Variants in NISCH observed in about 807,000 individuals in gnomAD.
NISCH encodes the protein I-1 receptor candidate protein.
NISCH carries 55 observed loss-of-function variants against 138.4 expected under a neutral mutation model. The observed-to-expected ratio is 0.40, with a 90% CI of 0.32 to 0.50. The LOEUF is 0.50. NISCH is among the 20% of genes least tolerant of loss of function. The probability of loss-of-function intolerance (pLI) is 0.71; values close to 1 mark genes in which losing one functional copy is unlikely to be tolerated. For missense variants in NISCH, 1,643 were observed against 2,005.5 expected (o/e 0.82, Z 3.45); for synonymous variants, 860 against 861.5 (o/e 1.00, Z 0.03).
rs748841248 is a variant in NISCH, at chr3:52,480,268, C to T, written c.1501C>T (p.Leu501=). The T allele has an allele frequency of 1.9e-6, 3 of 1,613,956 alleles. No homozygotes were observed. The South Asian group carries it at 3.3e-5, about 18-fold the overall frequency. The stretch of plus-strand genomic sequence containing the variant: ...CACTGTGGCTCCCGCATCTGCCTCC[C>T]TGCCCCAGCCCATCCTCTCTAACCA... ...PPTVAPASAS[L]PQPILSNQGI... The change falls in exon 13 of 21, where the codon CTG becomes TTG. Residue 501 remains leucine (L), a synonymous_variant. Coordinates refer to ENST00000345716, the MANE Select transcript of NISCH (RefSeq NM_007184.4).
Position 52,478,129 on chromosome 3 carries a change from C to T in NISCH, c.1020C>T (p.Ser340=), listed in dbSNP as rs1707158277. ...ATAACCTTGTGCATCTGGACCTGTC[C>T]TACAACAAGCTCTCCTCCTTGGAAG... The part of the protein sequence containing the change: ...HLYNLVHLDL[S]YNKLSSLEGL... Residue 340 remains serine (S), a synonymous_variant, in exon 10 of 21, where the codon TCC becomes TCT. Coordinates refer to ENST00000345716, the MANE Select transcript of NISCH (RefSeq NM_007184.4). The T allele has an allele frequency of 3.1e-6, 5 of 1,613,980 alleles. No homozygotes were observed. Among genetic ancestry groups the T allele is most frequent in the Non-Finnish European group, 4.2e-6 (5 of 1,180,000 alleles).
chr3:52,489,701 C>T (rs767966032), intron 17 of NISCH, 23 bp downstream of exon 17: 4 of 1,601,720 alleles, frequency 2.5e-6, no homozygotes, highest in Non-Finnish European at 3.4e-6. Flanking sequence ...GTGTGGGTGC[C>T]AGCTATGGCA....
chr3:52,474,548 G>A (rs918467701), intron 7 of NISCH, among the ~76,000 whole-genome samples: 7 of 151,800 alleles, frequency 4.6e-5, no homozygotes, highest in Admixed American at 6.6e-5. Context: ...CACCCGCCTC[G>A]GCCTCCCAAA....
At chr3:52,464,515 G>GTGTTTTT (rs1183001857) in intron 3 of NISCH, among the ~76,000 whole-genome samples, 1 of 67,374 alleles carries the variant, frequency 1.5e-5, no homozygotes, top group Non-Finnish European at 2.9e-5. Context: ...TCTGTGAGTT[G>GTGTTTTT]TCTTTTTTTT....
At chr3:52,465,876 G>A (rs1461513710) in intron 3 of NISCH, among the ~76,000 whole-genome samples, 2 of 152,228 alleles carry the variant, frequency 1.3e-5, no homozygotes, top group African/African-American at 4.8e-5. Context: ...AGAGTGTTGG[G>A]CCTGAGGTTA....
chr3:52,457,210 C>G (rs1172669110), intron 1 of NISCH, among the ~76,000 whole-genome samples: 4 of 152,186 alleles, frequency 2.6e-5, no homozygotes, highest in African/African-American at 9.7e-5. Context: ...AATGGCAGAA[C>G]CAGGTTTTTA....
At chr3:52,467,749 C>G (rs1441075556) in intron 3 of NISCH, among the ~76,000 whole-genome samples, 1 of 152,236 alleles carries the variant, frequency 6.6e-6, no homozygotes, top group East Asian at 1.9e-4. Context: ...TCCAGAAATT[C>G]CAGCCCTATC....
chr3:52,481,997 G>C, intron 13 of NISCH: 8 of 879,088 alleles, frequency 9.1e-6, no homozygotes, highest in Non-Finnish European at 1.1e-5. Flanking sequence ...TCTATCCGCT[G>C]AGTGCCCTTT....
At chr3:52,456,979 A>T (rs1706492843) in intron 1 of NISCH, among the ~76,000 whole-genome samples, 1 of 152,102 alleles carries the variant, frequency 6.6e-6, no homozygotes, top group Non-Finnish European at 1.5e-5. Flanking sequence ...GGAGGTGGTG[A>T]TCTAGTTTGG....
At chr3:52,482,120 G>C (rs1352813111) in intron 13 of NISCH, among the ~76,000 whole-genome samples, 1 of 152,224 alleles carries the variant, frequency 6.6e-6, no homozygotes, top group East Asian at 1.9e-4. Context: ...GTGGCAAAAG[G>C]TGTTGGTCTT....
At position 52,492,194 on chromosome 3, in the gene NISCH, T is replaced by C. The variant is rs755817188; in HGVS notation, c.4227T>C (p.Asp1409=). ...AGAGAGACAGGTACCGGCTGGACGA[T>C]GGCCGCCGCGTCCGGGACCTGGACC... ...PPQRDRYRLD[D]GRRVRDLDRV... Residue 1409 remains aspartate, a synonymous_variant, in exon 21 of 21, where the codon GAT becomes GAC. Transcript: ENST00000345716. 6.2e-7 allele frequency: 1 copy of C among 1,613,074 alleles called. No homozygotes were observed. The highest frequency in any genetic ancestry group is 1.1e-5 in the South Asian group (1 of 91,084).
intron 3 of NISCH, among the ~76,000 whole-genome samples, chr3:52,462,352 C>T (rs931111406): frequency 6.6e-6 from 1 of 152,222 alleles, no homozygotes; most frequent in African/African-American, 2.4e-5. Flanking sequence ...AGTAGCACTT[C>T]CCCACCCAGC....
intron 3 of NISCH, among the ~76,000 whole-genome samples, chr3:52,462,233 A>G (rs765272051): frequency 3.9e-5 from 6 of 152,274 alleles, no homozygotes; most frequent in Non-Finnish European, 8.8e-5. Context: ...TTAAACCCAC[A>G]GTTGATCAGC....
chr3:52,473,357 G>C (rs541197555), intron 6 of NISCH, among the ~76,000 whole-genome samples: 1 of 152,174 alleles, frequency 6.6e-6, no homozygotes, highest in Non-Finnish European at 1.5e-5. Flanking sequence ...CAGTTCCATG[G>C]AGTGGGGGCT....
intron 1 of NISCH, among the ~76,000 whole-genome samples, chr3:52,456,965 C>T (rs995433392): frequency 2.0e-5 from 3 of 152,134 alleles, no homozygotes; most frequent in Non-Finnish European, 4.4e-5. Context: ...GCATGTATGT[C>T]GGGGGAGGTG....
At position 52,480,212 on chromosome 3, in the gene NISCH, C is replaced by T; in HGVS notation, c.1445C>T (p.Ala482Val). ...KGGEDSRLSA[A>V]PCIRPSSSPP... Reference sequence around the variant, plus strand: ...GGTGAAGACTCCCGGCTCTCAGCTGCCCCCTGCATCAGACCCAGCAGCTCC... The same window carrying T: ...GGTGAAGACTCCCGGCTCTCAGCTGTCCCCTGCATCAGACCCAGCAGCTCC... The change falls in exon 13 of 21, where the codon GCC becomes GTC. Residue 482 changes from alanine to valine, a missense_variant. Ala to Val is a moderately conservative substitution (Grantham distance 64). Coordinates refer to ENST00000345716, the MANE Select transcript of NISCH (RefSeq NM_007184.4). 1 of 1,613,968 alleles carries T rather than the reference C, an allele frequency of 6.2e-7. No homozygotes were observed. Among genetic ancestry groups the T allele is most frequent in the Non-Finnish European group, 8.5e-7 (1 of 1,180,008 alleles).
chr3:52,465,380 T>A (rs1706752971), intron 3 of NISCH, among the ~76,000 whole-genome samples: 1 of 152,174 alleles, frequency 6.6e-6, no homozygotes, highest in Non-Finnish European at 1.5e-5. Context: ...TCCACCCACC[T>A]CGGCCTCCCA....
chr3:52,484,631 G>A lies in NISCH; in HGVS notation c.1647G>A (p.Ala549=), dbSNP rs745628221. The change falls in exon 14 of 21, where the codon GCG becomes GCA. Residue 549 remains alanine (A), a synonymous_variant. Coordinates refer to ENST00000345716, the MANE Select transcript of NISCH (RefSeq NM_007184.4). ...GCSDSLESIP[A]GQAASDDLRD... is the part of the protein sequence containing the mutation. Reference sequence around the variant, plus strand: ...CTGATTCCTTGGAGTCCATCCCTGCGGGACAGGTAATGCCCTCTTCCCGCT... The same window carrying A: ...CTGATTCCTTGGAGTCCATCCCTGCAGGACAGGTAATGCCCTCTTCCCGCT... The A allele has an allele frequency of 4.6e-5, 75 of 1,613,822 alleles. No homozygotes were observed. The highest frequency in any genetic ancestry group is 2.3e-4 in the Admixed American group (14 of 59,978).
chr3:52,457,650 G>A (rs942677411), intron 1 of NISCH, among the ~76,000 whole-genome samples, 193 bp from the exon 2 acceptor site: 1 of 152,244 alleles, frequency 6.6e-6, no homozygotes, highest in African/African-American at 2.4e-5. Flanking sequence ...GGGCCCTGCT[G>A]GTCAGCAAGG....
Sources: gnomAD v4.1 joint callset for allele counts (sites outside exome capture counted in the v4.1 genomes callset) on GRCh38, gnomAD v4.1.1 for gene constraint, MANE v1.5 for transcripts, NCBI Gene and HGNC (gene_info 2026-07-23, HGNC 2026-07-21) for gene names.